COL21A1: variants seen among roughly 807,000 people sequenced by gnomAD.
COL21A1 encodes collagen type XXI alpha 1 chain.
In COL21A1, 149 loss-of-function variants were observed where a neutral mutation model predicts 137.9. That is an observed-to-expected ratio of 1.08 (90% CI 0.95 to 1.24). The LOEUF is 1.24. COL21A1 is among the 50% of genes most tolerant of loss of function. The probability of loss-of-function intolerance (pLI) is 0.00; values close to 1 mark genes in which losing one functional copy is unlikely to be tolerated. For synonymous variants in COL21A1, 456 were observed against 391.5 expected (o/e 1.16, Z -1.95); for missense variants, 1,167 against 1,158.4 (o/e 1.01, Z -0.11).
intron 10 of COL21A1, among the ~76,000 whole-genome samples, chr6:56,156,096 T>A (rs1456640530): frequency 1.3e-5 from 2 of 152,230 alleles, no homozygotes; most frequent in African/African-American, 4.8e-5. Context: ...AAAATAACAT[T>A]ACCTTTAAAA....
chr6:56,287,863 T>C (rs923774698), intron 1 of COL21A1, among the ~76,000 whole-genome samples: 1 of 151,946 alleles, frequency 6.6e-6, no homozygotes, highest in South Asian at 2.1e-4. Context: ...AGTGATGTGA[T>C]GTGAGAAGGA....
intron 1 of COL21A1, among the ~76,000 whole-genome samples, chr6:56,364,765 GAAAA>G (rs10557266): frequency 4.0e-4 from 52 of 129,568 alleles, no homozygotes; most frequent in African/African-American, 8.2e-4. Flanking sequence ...AAGAGCCCAG[GAAAA>G]AAAAAAAAAA....
At chr6:56,270,591 C>G (rs1190413124) in intron 1 of COL21A1, among the ~76,000 whole-genome samples, 1 of 152,190 alleles carries the variant, frequency 6.6e-6, no homozygotes, top group Admixed American at 6.5e-5. Context: ...ACAGAACACT[C>G]CACCCACCAG....
At chr6:56,123,991 A>C in intron 16 of COL21A1, 71 bp downstream of exon 16, 1 of 1,306,964 alleles carries the variant, frequency 7.7e-7, no homozygotes. Flanking sequence ...ATATTGGTAC[A>C]TTTTTCTTAT....
intron 1 of COL21A1, among the ~76,000 whole-genome samples, chr6:56,197,424 T>C (rs1482428433): frequency 6.6e-6 from 1 of 151,916 alleles, no homozygotes; most frequent in African/African-American, 2.4e-5. Context: ...AAAAAGGTAA[T>C]CTACAGAATG....
At chr6:56,375,326 G>A (rs1436988882) in intron 1 of COL21A1, among the ~76,000 whole-genome samples, 1 of 152,148 alleles carries the variant, frequency 6.6e-6, no homozygotes, top group Non-Finnish European at 1.5e-5. Flanking sequence ...AGGCTGAACC[G>A]TATGGACTGA....
chr6:56,307,840 T>G (rs1349513948), intron 1 of COL21A1, among the ~76,000 whole-genome samples: 1 of 152,192 alleles, frequency 6.6e-6, no homozygotes, highest in Non-Finnish European at 1.5e-5. Context: ...AGACTGGAGC[T>G]GTTCCTATTC....
chr6:56,278,365 G>T (rs1015221247), intron 1 of COL21A1, among the ~76,000 whole-genome samples: 11 of 152,254 alleles, frequency 7.2e-5, no homozygotes, highest in African/African-American at 2.4e-4. Context: ...GGGAGCAAAA[G>T]GTTTGACAGT....
At chr6:56,298,098 G>A (rs1764200655) in intron 1 of COL21A1, among the ~76,000 whole-genome samples, 1 of 132,398 alleles carries the variant, frequency 7.6e-6, no homozygotes, top group Non-Finnish European at 1.7e-5. Flanking sequence ...TAATACGGAT[G>A]CTAAATTAAA....
chr6:56,323,766 T>C (rs1013938636), intron 1 of COL21A1, among the ~76,000 whole-genome samples: 1 of 152,188 alleles, frequency 6.6e-6, no homozygotes, highest in Non-Finnish European at 1.5e-5. Context: ...TACAGGTCAA[T>C]AGTACATTGT....
At chr6:56,302,797 C>T (rs1764335417) in intron 1 of COL21A1, among the ~76,000 whole-genome samples, 1 of 151,566 alleles carries the variant, frequency 6.6e-6, no homozygotes, top group African/African-American at 2.4e-5. Context: ...GACATGAAGT[C>T]CTTGCCCACA....
intron 10 of COL21A1, among the ~76,000 whole-genome samples, chr6:56,146,570 G>A (rs2152243575): frequency 6.6e-6 from 1 of 152,204 alleles, no homozygotes; most frequent in African/African-American, 2.4e-5. Flanking sequence ...TGCTATGAAA[G>A]AACTACACTG....
intron 1 of COL21A1, among the ~76,000 whole-genome samples, chr6:56,233,829 G>C (rs79308593): frequency 6.6e-6 from 1 of 151,104 alleles, no homozygotes. Flanking sequence ...TGGGGGAGAG[G>C]CAGGATGCCT....
At chr6:56,290,500 T>TTTTTTG (rs1554178973) in intron 1 of COL21A1, among the ~76,000 whole-genome samples, 6 of 110,308 alleles carry the variant, frequency 5.4e-5, no homozygotes, top group Admixed American at 5.3e-4. Flanking sequence ...ACTTAGGAGA[T>TTTTTTG]TTTTTTTTTT....
intron 1 of COL21A1, among the ~76,000 whole-genome samples, chr6:56,324,125 T>C (rs1764942906): frequency 6.6e-6 from 1 of 152,118 alleles, no homozygotes; most frequent in Non-Finnish European, 1.5e-5. Flanking sequence ...ATTAATTTAA[T>C]GTAGTGAGAT....
Position 56,070,656 on chromosome 6 carries a change from C to T in COL21A1, c.2019+89G>A, listed in dbSNP as rs1766662697. 8.3e-6 allele frequency: 7 copies of T among 846,514 alleles called. 1 individual carries two copies. The South Asian group carries it at 1.3e-4, about 16-fold the overall frequency. 52.4% of individuals were successfully genotyped at this position (846,514 alleles called of 1,614,324 possible). On this transcript the variant is annotated intron_variant, in intron 21 of 29. Transcript: ENST00000244728. ...TAATCCTTAACTTCATGTATCTCTTCAGAGATATAAAATGTTAATTTTCTT... is the reference window on the plus strand; with the variant it reads ...TAATCCTTAACTTCATGTATCTCTTTAGAGATATAAAATGTTAATTTTCTT...
chr6:56,255,320 A>C (rs1782940557), intron 1 of COL21A1, among the ~76,000 whole-genome samples: 1 of 138,758 alleles, frequency 7.2e-6, no homozygotes, highest in Non-Finnish European at 1.5e-5. Flanking sequence ...TAGAGTGATC[A>C]CTGTTGTTAA....
intron 1 of COL21A1, among the ~76,000 whole-genome samples, chr6:56,331,636 T>C (rs1765227193): frequency 6.6e-6 from 1 of 152,100 alleles, no homozygotes; most frequent in African/African-American, 2.4e-5. Context: ...CATTTATCTA[T>C]GTGTCTATTT....
chr6:56,174,679 A>T (rs1351467621), intron 3 of COL21A1, among the ~76,000 whole-genome samples: 2 of 152,044 alleles, frequency 1.3e-5, no homozygotes, highest in Non-Finnish European at 2.9e-5. Flanking sequence ...AAAACACCCC[A>T]ACAATAAAAG....
Sources: gnomAD v4.1 joint callset for allele counts (sites outside exome capture counted in the v4.1 genomes callset) on GRCh38, gnomAD v4.1.1 for gene constraint, MANE v1.5 for transcripts, NCBI Gene and HGNC (gene_info 2026-07-23, HGNC 2026-07-21) for gene names.